ARR3: variants seen among roughly 807,000 people sequenced by gnomAD.
ARR3 encodes the protein arrestin-C.
A neutral mutation model predicts 35.4 loss-of-function variants in ARR3; 14 were observed. The observed-to-expected ratio is 0.40, with a 90% CI of 0.26 to 0.62. The LOEUF (loss-of-function observed/expected upper bound fraction) is 0.62, where lower values mean the gene tolerates loss of function less well. Among genes scored for constraint, ARR3 ranks in the 20% least tolerant of loss-of-function variants. ARR3 has a pLI of 0.46. For synonymous variants in ARR3, 97 were observed against 119.1 expected, an observed-to-expected ratio of 0.81 and a Z score of 1.21; for missense variants, 259 against 303.8, an observed-to-expected ratio of 0.85 and a Z score of 1.10.
chrX:70,269,806 G>T (rs2085622776), intron 3 of ARR3, 37 bp from the exon 4 acceptor site: 1 of 1,198,087 alleles, frequency 8.3e-7, no homozygotes, highest in East Asian at 3.0e-5. Flanking sequence ...ATTCAAAAAT[G>T]ATTGTGAGAA....
chrX:70,275,936 C>T, intron 5 of ARR3, 146 bp from the exon 6 acceptor site: 1 of 611,059 alleles, frequency 1.6e-6, no homozygotes, highest in South Asian at 2.8e-5. Context: ...CTCGGCCTCC[C>T]AAAGTGCTGG....
chrX:70,277,466 G>A lies in ARR3; in HGVS notation c.546G>A (p.Gln182=). The A allele has an allele frequency of 8.3e-6, 10 of 1,211,521 alleles. No homozygotes were observed. Among genetic ancestry groups the A allele is most frequent in the Non-Finnish European group, 1.0e-5 (9 of 895,348 alleles). Residue 182 remains glutamine (Q), a synonymous_variant, in exon 9 of 17, where the codon CAG becomes CAA. Transcript: ENST00000307959. ...PPEAGPGPSA[Q]TIRRFLLSAQ... ...AGGCAGGCCCTGGCCCCTCAGCCCA[G>A]ACCATCCGCCGCTTCCTTCTGTCAG...
intron 5 of ARR3, among the ~76,000 whole-genome samples, chrX:70,274,347 GTA>G (rs2085643378): frequency 9.1e-6 from 1 of 110,103 alleles, no homozygotes; most frequent in African/African-American, 3.3e-5. Context: ...AATTACAGGT[GTA>G]TGCCACCATG....
chrX:70,270,431 A>T (rs982389499), intron 5 of ARR3, among the ~76,000 whole-genome samples: 39 of 112,345 alleles, frequency 3.5e-4, no homozygotes, highest in African/African-American at 1.2e-3. Context: ...CATAAATTAA[A>T]TTTTATTTTT....
At chrX:70,277,346 T>C in intron 8 of ARR3, 48 bp from the exon 9 acceptor site, 1 of 1,189,906 alleles carries the variant, frequency 8.4e-7, no homozygotes, top group Non-Finnish European at 1.1e-6. Flanking sequence ...GAGAGGTCTG[T>C]GGGTCTGAAA....
Position 70,278,585 on chromosome X carries a change from C to T in ARR3, c.849C>T (p.Gly283=). The T allele has an allele frequency of 8.3e-7, 1 of 1,211,714 alleles. No individual in the cohort carries two copies. The highest frequency in any genetic ancestry group is 1.7e-5 in the African/African-American group (1 of 57,896). Residue 283 remains glycine (G), a synonymous_variant, in exon 12 of 17, where the codon GGC becomes GGT. Coordinates refer to ENST00000307959, the MANE Select transcript of ARR3 (RefSeq NM_004312.3). ...PILAASCQKR[G]LALDGKLKHE... is the part of the protein sequence containing the mutation. ...TGGCTGCCAGCTGCCAGAAACGGGG[C>T]CTGGCACTGGATGGCAAACTTAAGC...
At chrX:70,274,028 A>G (rs1364253597) in intron 5 of ARR3, among the ~76,000 whole-genome samples, 1 of 109,616 alleles carries the variant, frequency 9.1e-6, no homozygotes, top group East Asian at 2.9e-4. Context: ...CCCTCCCCAG[A>G]TAACGACTAC....
intron 12 of ARR3, among the ~76,000 whole-genome samples, chrX:70,279,942 G>A (rs1426993692): frequency 8.9e-6 from 1 of 111,783 alleles, no homozygotes; most frequent in East Asian, 2.8e-4. Flanking sequence ...GTTGTTAGGG[G>A]TCTTGAAAGT....
chrX:70,277,996 A>G (rs2085661207), intron 10 of ARR3, 70 bp from the exon 11 acceptor site: 9 of 1,058,393 alleles, frequency 8.5e-6, no homozygotes, highest in Non-Finnish European at 1.2e-5. Flanking sequence ...GGTCACATCT[A>G]AGGACACTGA....
In ARR3 at chrX:70,277,454, C is replaced by A. The variant is rs2085658145; in HGVS notation, c.534C>A (p.Gly178=). The change falls in exon 9 of 17, where the codon GGC becomes GGA. Residue 178 remains glycine, a synonymous_variant. Transcript: ENST00000307959. Reference sequence around the variant, plus strand: ...TTGCACCACCGGAGGCAGGCCCTGGCCCCTCAGCCCAGACCATCCGCCGCT... The same window carrying A: ...TTGCACCACCGGAGGCAGGCCCTGGACCCTCAGCCCAGACCATCCGCCGCT... ...VQFAPPEAGP[G]PSAQTIRRFL... 6.6e-6 allele frequency: 8 copies of A among 1,211,597 alleles called. No homozygotes were observed. Among genetic ancestry groups the A allele is most frequent in the South Asian group, 3.5e-5 (2 of 56,891 alleles).
intron 5 of ARR3, among the ~76,000 whole-genome samples, chrX:70,275,219 T>A (rs989724667): frequency 8.9e-6 from 1 of 112,733 alleles, no homozygotes; most frequent in Non-Finnish European, 1.9e-5. Flanking sequence ...CAGCAGTATG[T>A]AAGAACTCCT....
rs1217096713 is a variant in ARR3, at chrX:70,276,211, G to A, written c.275G>A (p.Gly92Glu). The A allele has an allele frequency of 1.7e-6, 2 of 1,211,617 alleles. No individual in the cohort carries two copies. The highest frequency in any genetic ancestry group is 3.5e-5 in the African/African-American group (2 of 57,737). The change falls in exon 6 of 17, where the codon GGG (glycine) becomes GAG (glutamate). Residue 92 changes from glycine to glutamate, a missense_variant. By Grantham distance (98) the Gly-to-Glu change is moderately conservative. Transcript: ENST00000307959. ...VVPAESSSPQ[G>E]PLTVLQERLL... ...CCAGCTGAATCCAGCAGCCCTCAGG[G>A]GCCCCTCACAGTCCTACAGGAGCGA...
At chrX:70,279,416 T>C (rs900052766) in intron 12 of ARR3, among the ~76,000 whole-genome samples, 1 of 112,719 alleles carries the variant, frequency 8.9e-6, no homozygotes, top group Non-Finnish European at 1.9e-5. Context: ...TTATTTTATA[T>C]GTAAGAGATC....
In ARR3 at chrX:70,280,231, C is replaced by A. The variant is rs2085673346; in HGVS notation, c.942C>A (p.Ile314=). The A allele has an allele frequency of 8.3e-7, 1 of 1,209,518 alleles. No homozygotes were observed. The highest frequency in any genetic ancestry group is 1.1e-6 in the Non-Finnish European group (1 of 895,029). The change falls in exon 13 of 17, where the codon ATC becomes ATA. Residue 314 remains isoleucine, a synonymous_variant. Transcript: ENST00000307959. The stretch of plus-strand genomic sequence containing the variant: ...GAATGGACAAAGAGCTGCTGGGGAT[C>A]CTGGTGTCCTACAAAGTCAGAGTCA... ...RPGMDKELLG[I]LVSYKVRVNL... is the part of the protein sequence containing the mutation.
intron 1 of ARR3, 23 bp from the exon 2 acceptor site, chrX:70,269,333 C>T: frequency 8.4e-7 from 1 of 1,196,273 alleles, no homozygotes; most frequent in Non-Finnish European, 1.1e-6. Flanking sequence ...ATGATTGAGC[C>T]TTTCTTCTTT....
rs1365171115 is a variant in ARR3, at chrX:70,281,135, C to T, written c.1076+27C>T. Reference sequence around the variant, plus strand: ...TAATGGAATACAAGATTGGGAAGCCCCATTCCCCTCTTCCCATTTCCACCC... The same window carrying T: ...TAATGGAATACAAGATTGGGAAGCCTCATTCCCCTCTTCCCATTTCCACCC... On this transcript the variant is annotated intron_variant, in intron 16 of 16. Transcript: ENST00000307959. The T allele has an allele frequency of 5.0e-6, 6 of 1,207,278 alleles. No homozygotes were observed. In the South Asian group the frequency reaches 1.1e-4, roughly 21 times the overall value.
chrX:70,273,342 C>T (rs1569220543), intron 5 of ARR3, among the ~76,000 whole-genome samples: 2 of 107,169 alleles, frequency 1.9e-5, no homozygotes. Context: ...CTGCCTCAGC[C>T]TCCTGAGTAG....
chrX:70,281,686 A>C lies in ARR3; in HGVS notation c.1087A>C (p.Ile363Leu). 1 of 1,183,751 alleles carries C rather than the reference A, an allele frequency of 8.4e-7. No homozygotes were observed. Among genetic ancestry groups the C allele is most frequent in the Non-Finnish European group, 1.1e-6 (1 of 880,879 alleles). The change falls in exon 17 of 17, where the codon ATA becomes CTA. Residue 363 changes from isoleucine to leucine, a missense_variant. Coordinates refer to ENST00000307959, the MANE Select transcript of ARR3 (RefSeq NM_004312.3). ...TGCTGCTTCTGCAAGCTCTGAGGAC[A>C]TAGTCATCGAGGAGTTTACGCGGAA... is the stretch of plus-strand genomic sequence containing the variant. ...PSHEAASSED[I>L]VIEEFTRKGE... is the part of the protein sequence containing the mutation.
At chrX:70,280,087 A>G (rs1325229500) in intron 12 of ARR3, 108 bp from the exon 13 acceptor site, 29 of 715,154 alleles carry the variant, frequency 4.1e-5, no homozygotes, top group African/African-American at 6.4e-5. Context: ...CTGGGATAAG[A>G]CTAAACATAA....
Sources: allele counts gnomAD v4.1 joint callset (sites outside exome capture counted in the v4.1 genomes callset), GRCh38; gene constraint gnomAD v4.1.1; transcripts MANE v1.5; gene names NCBI Gene and HGNC (gene_info 2026-07-23, HGNC 2026-07-21).